DOCK10: variants seen among roughly 807,000 people sequenced by gnomAD.
DOCK10 encodes dedicator of cytokinesis 10, also known as dedicator of cytokinesis protein 10.
A neutral mutation model predicts 280.1 loss-of-function variants in DOCK10; 145 were observed. The ratio of observed to expected loss-of-function variants is 0.52; its 90% confidence interval spans 0.45 to 0.59. DOCK10 has a LOEUF of 0.59. DOCK10 is among the 20% of genes least tolerant of loss of function. The pLI, the probability that DOCK10 is intolerant of heterozygous loss-of-function variation, is 0.00. For missense variants in DOCK10, 2,368 were observed against 2,651.7 expected (o/e 0.89, Z 2.35); for synonymous variants, 915 against 942.2 (o/e 0.97, Z 0.53).
At chr2:224,844,904 T>A in intron 21 of DOCK10, 65 bp from the exon 22 acceptor site, 1 of 1,167,694 alleles carries the variant, frequency 8.6e-7, no homozygotes, top group African/African-American at 1.5e-5. Context: ...AATAGATTGT[T>A]TAGTTTATGT....
In DOCK10 at chr2:224,835,970, T is replaced by C. The variant is rs886479174; in HGVS notation, c.2851-1707A>G. The stretch of plus-strand genomic sequence containing the variant: ...CGCCAGGATGCATTTCTAATGCATC[T>C]CTCCAGGAGCGTCACCGGTAGAAAG... On this transcript the variant is annotated intron_variant, in intron 25 of 55. Coordinates refer to ENST00000258390, the MANE Select transcript of DOCK10 (RefSeq NM_014689.3). Among the ~76,000 whole-genome samples, 100 of 152,298 alleles carry C rather than the reference T, an allele frequency of 6.6e-4. 1 individual carries two copies. The highest frequency in any genetic ancestry group is 2.3e-3 in the African/African-American group (96 of 41,570).
At chr2:224,941,199 T>C (rs1281676307) in intron 1 of DOCK10, among the ~76,000 whole-genome samples, 2 of 145,362 alleles carry the variant, frequency 1.4e-5, no homozygotes, top group Non-Finnish European at 3.0e-5. Context: ...TTACTGCTCT[T>C]TTTTTTTTTT....
intron 1 of DOCK10, among the ~76,000 whole-genome samples, chr2:224,998,801 C>T (rs550549923): frequency 2.2e-4 from 33 of 152,298 alleles, no homozygotes; most frequent in African/African-American, 7.5e-4. Context: ...ATCAAAGAGT[C>T]ACAAGTCAGC....
At chr2:224,852,333 T>G in intron 18 of DOCK10, 44 bp downstream of exon 18, 2 of 1,471,166 alleles carry the variant, frequency 1.4e-6, no homozygotes, top group East Asian at 2.4e-5. Context: ...TCCCTGCACC[T>G]GCCTTCCCAC....
chr2:225,028,507 C>T (rs1026950276), intron 1 of DOCK10, among the ~76,000 whole-genome samples: 7 of 152,120 alleles, frequency 4.6e-5, no homozygotes, highest in African/African-American at 1.7e-4. Flanking sequence ...AGACCCTCAC[C>T]AGACTTCTCA....
chr2:224,856,529 G>C (rs1697156988), intron 15 of DOCK10, among the ~76,000 whole-genome samples: 1 of 152,202 alleles, frequency 6.6e-6, no homozygotes, highest in Non-Finnish European at 1.5e-5. Context: ...ATGTGTGGAA[G>C]AGATAAGCTC....
chr2:224,805,028 A>T lies in DOCK10; in HGVS notation c.4118+30T>A. The T allele has an allele frequency of 6.4e-7, 1 of 1,566,356 alleles. No homozygotes were observed. Among genetic ancestry groups the T allele is most frequent in the South Asian group, 1.2e-5 (1 of 83,126 alleles). On this transcript the variant is annotated intron_variant, in intron 37 of 55. Transcript: ENST00000258390. The surrounding 1 kb of genome is among the most constrained non-coding windows in gnomAD (Gnocchi z 4.3). ...GGACTATTTAGAAATTTCCAGAAAA[A>T]AGTGTTAAGTCATCAACTCTAAAAC...
At chr2:224,869,442 CAAT>C (rs1698128852) in intron 11 of DOCK10, among the ~76,000 whole-genome samples, 1 of 152,010 alleles carries the variant, frequency 6.6e-6, no homozygotes, top group Non-Finnish European at 1.5e-5. Context: ...GAATTAAGAA[CAAT>C]GAGTTTAAAA....
At chr2:224,783,695 C>G (rs150367832) in intron 50 of DOCK10, among the ~76,000 whole-genome samples, 1 of 151,398 alleles carries the variant, frequency 6.6e-6, no homozygotes, top group African/African-American at 2.4e-5. Flanking sequence ...TTTGCAAGGG[C>G]TCCCCCCAAT....
chr2:224,916,031 G>C lies in DOCK10; in HGVS notation c.333+664C>G, dbSNP rs192671934. 2.0e-5 allele frequency among the ~76,000 whole-genome samples: 3 copies of C among 152,354 alleles called. No individual in the cohort carries two copies. The East Asian group carries it at 5.8e-4, about 29-fold the overall frequency. On this transcript the variant is annotated intron_variant, in intron 3 of 55. Transcript: ENST00000258390. ...GGTGGGAAGCGTTTGGATCATGGGG[G>C]TGGATCCCTCATGAAAGGCTTGTGC...
chr2:224,813,888 C>A (rs1228294970), intron 31 of DOCK10, among the ~76,000 whole-genome samples: 1 of 152,158 alleles, frequency 6.6e-6, no homozygotes, highest in Non-Finnish European at 1.5e-5. Context: ...TTGCCTAGAC[C>A]ATTTTAAGTT....
Position 224,845,335 on chromosome 2 carries a change from G to A in DOCK10, c.2360-11C>T. On this transcript the variant is annotated splice_polypyrimidine_tract_variant and intron_variant, in intron 20 of 55. Transcript: ENST00000258390. ...GCCAAGCATATCCAACTGTGCAAAA[G>A]AATAACCAACAAAAATTCTGAGTAC... is the stretch of plus-strand genomic sequence containing the variant. The A allele has an allele frequency of 6.3e-7, 1 of 1,584,944 alleles. No individual in the cohort carries two copies.
chr2:225,006,000 T>C (rs1485840728), intron 1 of DOCK10, among the ~76,000 whole-genome samples: 2 of 152,226 alleles, frequency 1.3e-5, no homozygotes, highest in African/African-American at 4.8e-5. Flanking sequence ...GAGGTTTTTA[T>C]TAGGTGCCTC....
At chr2:224,789,281 C>T in intron 47 of DOCK10, 111 bp from the exon 48 acceptor site, 1 of 660,496 alleles carries the variant, frequency 1.5e-6, no homozygotes, top group Admixed American at 2.4e-5. Context: ...AAAGCTCACA[C>T]AATCAACAAG....
At chr2:225,033,332 G>A (rs927035636) in intron 1 of DOCK10, among the ~76,000 whole-genome samples, 3 of 151,912 alleles carry the variant, frequency 2.0e-5, no homozygotes, top group South Asian at 2.1e-4. Flanking sequence ...ACAGGTGCAT[G>A]CCACCACGCC....
intron 2 of DOCK10, among the ~76,000 whole-genome samples, chr2:224,927,510 G>C (rs1449227381): frequency 1.3e-5 from 2 of 152,184 alleles, no homozygotes; most frequent in Admixed American, 1.3e-4. Flanking sequence ...GGTATTTGTG[G>C]CTTGGGACAG....
At position 224,773,368 on chromosome 2, in the gene DOCK10, G is replaced by C. The variant is rs375052942; in HGVS notation, c.6014-21C>G. 3 of 1,590,806 alleles carry C rather than the reference G, an allele frequency of 1.9e-6. 1 individual carries two copies. Among genetic ancestry groups the C allele is most frequent in the Middle Eastern group, 3.3e-4 (2 of 6,018 alleles). On this transcript the variant is annotated intron_variant, in intron 52 of 55. Coordinates refer to ENST00000258390, the MANE Select transcript of DOCK10 (RefSeq NM_014689.3). ...ACTCGCTGTACAAAAGCCATACAAA[G>C]GGATTTCAAGGTTGAGGATTAGTGA...
chr2:224,935,873 G>C (rs906269060), intron 1 of DOCK10, among the ~76,000 whole-genome samples: 1 of 152,002 alleles, frequency 6.6e-6, no homozygotes. Flanking sequence ...TTCCTTTTCC[G>C]GGATTCTATC....
intron 1 of DOCK10, among the ~76,000 whole-genome samples, chr2:224,947,816 C>T (rs1169226817): frequency 6.6e-6 from 1 of 152,164 alleles, no homozygotes; most frequent in African/African-American, 2.4e-5. Context: ...CTCTACCAGG[C>T]TGTATGTTCC....
Sources: gnomAD v4.1 joint callset for allele counts (sites outside exome capture counted in the v4.1 genomes callset) on GRCh38, gnomAD v4.1.1 for gene constraint, Gnocchi (gnomAD v3.1) non-coding constraint, MANE v1.5 for transcripts, NCBI Gene and HGNC (gene_info 2026-07-23, HGNC 2026-07-21) for gene names.